PPP1R42: variants seen among roughly 807,000 people sequenced by gnomAD.
PPP1R42 encodes the protein protein phosphatase 1 regulatory subunit 42, also known as leucine rich repeat containing 67.
Under a neutral mutation model 31.0 loss-of-function variants are expected in PPP1R42, and 34 were observed. That is an observed-to-expected ratio of 1.10 (90% CI 0.83 to 1.46). The LOEUF (loss-of-function observed/expected upper bound fraction) is 1.46. PPP1R42 is among the 40% of genes most tolerant of loss of function. The pLI, the probability that PPP1R42 is intolerant of heterozygous loss-of-function variation, is 0.00. For missense variants in PPP1R42, 268 were observed against 303.0 expected (o/e 0.88, Z 0.86); for synonymous variants, 103 against 109.8 (o/e 0.94, Z 0.39).
At chr8:66,979,861 T>C (rs1473815089) in intron 7 of PPP1R42, among the ~76,000 whole-genome samples, 2 of 152,188 alleles carry the variant, frequency 1.3e-5, no homozygotes, top group Non-Finnish European at 2.9e-5. Flanking sequence ...TCAAATTTCA[T>C]TGAAGTTAAC....
rs983884905 is a variant in PPP1R42 at position 66,970,127 on chromosome 8, GTATT to G, written c.803-5797_803-5794del. On this transcript the variant is annotated intron_variant, in intron 7 of 7. Transcript: ENST00000685739. Reference sequence around the variant, plus strand: ...TAAATGAAATTACTTTCTGGTATGGGTATTTATTTATTTAATTTATTGAGATGGG... The same window carrying G: ...TAAATGAAATTACTTTCTGGTATGGGTATTTATTTAATTTATTGAGATGGG... Among the ~76,000 whole-genome samples, 232 of 152,008 alleles carry G rather than the reference GTATT, an allele frequency of 1.5e-3. 1 individual carries two copies. The highest frequency in any genetic ancestry group is 5.3e-3 in the African/African-American group (218 of 41,478).
intron 7 of PPP1R42, among the ~76,000 whole-genome samples, chr8:66,973,713 G>A (rs908243692): frequency 1.8e-4 from 28 of 152,186 alleles, no homozygotes; most frequent in African/African-American, 5.8e-4. Context: ...TTGTTTGGCC[G>A]AAACTTTATG....
intron 7 of PPP1R42, among the ~76,000 whole-genome samples, chr8:66,981,557 T>G (rs1373689334): frequency 6.6e-6 from 1 of 151,880 alleles, no homozygotes; most frequent in Admixed American, 6.6e-5. Context: ...TTTTTTGTAT[T>G]TTTAGTAGAG....
chr8:66,998,185 C>T (rs756073384), intron 5 of PPP1R42, among the ~76,000 whole-genome samples: 3 of 152,176 alleles, frequency 2.0e-5, no homozygotes, highest in South Asian at 4.1e-4. Flanking sequence ...TGCTAATACA[C>T]GAAAATGGTA....
At chr8:66,997,291 GTATTT>G (rs772262673) in intron 5 of PPP1R42, among the ~76,000 whole-genome samples, 1 of 152,014 alleles carries the variant, frequency 6.6e-6, no homozygotes, top group Non-Finnish European at 1.5e-5. Context: ...GTCTCCAAAT[GTATTT>G]TATTTTATTT....
chr8:67,006,936 G>A (rs1815703337), intron 5 of PPP1R42, among the ~76,000 whole-genome samples: 1 of 149,176 alleles, frequency 6.7e-6, no homozygotes, highest in African/African-American at 2.5e-5. Context: ...GTAGAGATGG[G>A]GTTTCACCAT....
intron 1 of PPP1R42, among the ~76,000 whole-genome samples, chr8:67,019,060 T>C (rs757813384): frequency 6.7e-6 from 1 of 149,394 alleles, no homozygotes; most frequent in Non-Finnish European, 1.5e-5. Context: ...GGTCTTGAAC[T>C]CCTGAGCTCA....
intron 7 of PPP1R42, among the ~76,000 whole-genome samples, chr8:66,965,778 A>T (rs1814366427): frequency 6.6e-6 from 1 of 151,938 alleles, no homozygotes; most frequent in Non-Finnish European, 1.5e-5. Context: ...AAAAAATTAG[A>T]TGGGCGTGGT....
chr8:66,971,030 A>T (rs1344022533), intron 7 of PPP1R42: 69 of 1,530,318 alleles, frequency 4.5e-5, no homozygotes, highest in Non-Finnish European at 5.8e-5. Context: ...CTTTCTGGAG[A>T]TGCATTTGCA....
chr8:66,978,286 T>C (rs1814733359), intron 7 of PPP1R42, among the ~76,000 whole-genome samples: 1 of 152,078 alleles, frequency 6.6e-6, no homozygotes, highest in South Asian at 2.1e-4. Context: ...ATGAGACTTA[T>C]CCACTATCAC....
At chr8:66,987,287 CT>C (rs71249412) in intron 6 of PPP1R42, among the ~76,000 whole-genome samples, 17,286 of 105,952 alleles carry the variant, frequency 0.16, 492 homozygotes, top group East Asian at 0.28. Flanking sequence ...AGCAAATGAT[CT>C]TTTTTTTTTT....
At chr8:67,006,514 G>A (rs963958717) in intron 5 of PPP1R42, among the ~76,000 whole-genome samples, 9 of 152,046 alleles carry the variant, frequency 5.9e-5, no homozygotes, top group Admixed American at 5.9e-4. Flanking sequence ...GCCATCACAC[G>A]AAGCTAATTG....
intron 3 of PPP1R42, 98 bp from the exon 4 acceptor site, chr8:67,013,194 C>T: frequency 1.1e-6 from 1 of 936,456 alleles, no homozygotes; most frequent in Non-Finnish European, 1.5e-6. Flanking sequence ...CTGAGCTGAA[C>T]AAAATTATAA....
chr8:67,020,543 G>C (rs1354979062), intron 1 of PPP1R42, among the ~76,000 whole-genome samples: 1 of 152,104 alleles, frequency 6.6e-6, no homozygotes, highest in Non-Finnish European at 1.5e-5. Flanking sequence ...TCCAATTTTG[G>C]CTTCATCACT....
chr8:66,964,522 G>A (rs940985275), intron 7 of PPP1R42, among the ~76,000 whole-genome samples, 188 bp from the exon 8 acceptor site: 3 of 152,120 alleles, frequency 2.0e-5, no homozygotes, highest in African/African-American at 4.8e-5. Context: ...TTGGTGTAGC[G>A]AAGAATGTGA....
intron 5 of PPP1R42, among the ~76,000 whole-genome samples, chr8:66,990,380 T>A (rs1815156347): frequency 6.6e-6 from 1 of 152,230 alleles, no homozygotes; most frequent in Admixed American, 6.5e-5. Context: ...CTCCAGTGTA[T>A]GTTTATTTAA....
At chr8:66,979,453 T>C (rs1814767881) in intron 7 of PPP1R42, among the ~76,000 whole-genome samples, 1 of 152,180 alleles carries the variant, frequency 6.6e-6, no homozygotes, top group Admixed American at 6.5e-5. Flanking sequence ...GGAGGATCAT[T>C]TGAGCCTGGG....
At chr8:67,010,548 C>T (rs1234644690) in intron 5 of PPP1R42, 167 bp downstream of exon 5, 1 of 568,258 alleles carries the variant, frequency 1.8e-6, no homozygotes, top group Non-Finnish European at 3.0e-6. Context: ...AATAAGAGGA[C>T]AGAATTATAC....
intron 7 of PPP1R42, chr8:66,970,743 G>A (rs142504279): frequency 8.7e-5 from 44 of 504,896 alleles, no homozygotes; most frequent in Middle Eastern, 5.9e-4. Context: ...ACCTCAGTGG[G>A]TGTATCCAGT....
Sources: gnomAD v4.1 joint callset for allele counts (sites outside exome capture counted in the v4.1 genomes callset) on GRCh38, gnomAD v4.1.1 for gene constraint, MANE v1.5 for transcripts, NCBI Gene and HGNC (gene_info 2026-07-23, HGNC 2026-07-21) for gene names.